Variants in MICAL3 observed in about 807,000 individuals in gnomAD.
The protein encoded by MICAL3 is microtubule associated monooxygenase, calponin and LIM domain containing 3.
A neutral mutation model predicts 207.4 loss-of-function variants in MICAL3; 62 were observed. The observed-to-expected ratio is 0.30, with a 90% CI of 0.24 to 0.37. The LOEUF (loss-of-function observed/expected upper bound fraction) is 0.37, where lower values mean the gene tolerates loss of function less well. Ranked by LOEUF, MICAL3 falls within the 10% of genes least tolerant of loss-of-function variation. The probability of loss-of-function intolerance (pLI) is 1.00; values close to 1 mark genes in which losing one functional copy is unlikely to be tolerated. For synonymous variants in MICAL3, 1,077 were observed against 1,069.3 expected (o/e 1.01, Z -0.14); for missense variants, 2,368 against 2,635.6 (o/e 0.90, Z 2.22).
rs936048688 is a variant in MICAL3, at chr22:17,789,988, T to C, written c.*744A>G. On this transcript the variant is annotated 3_prime_UTR_variant, in exon 32 of 32. Transcript: ENST00000441493. Reference sequence around the variant, plus strand: ...GTCTGCCAACTGGGGGCTTAGAATGTAGGGCCTCATCCTGTCCCCCAAAGT... The same window carrying C: ...GTCTGCCAACTGGGGGCTTAGAATGCAGGGCCTCATCCTGTCCCCCAAAGT... 3 of 152,232 alleles carry C rather than the reference T, an allele frequency of 2.0e-5. No homozygotes were observed. Among genetic ancestry groups the C allele is most frequent in the Non-Finnish European group, 4.4e-5 (3 of 68,008 alleles). 9.4% of individuals were successfully genotyped at this position (152,232 alleles called of 1,614,324 possible).
intron 1 of MICAL3, among the ~76,000 whole-genome samples, chr22:17,955,999 T>C (rs1447952366): frequency 6.6e-6 from 1 of 152,274 alleles, no homozygotes; most frequent in East Asian, 1.9e-4. Context: ...TGTTTATGAA[T>C]GTTTATGAGC....
At chr22:18,017,907 C>T (rs564104387) in intron 1 of MICAL3, among the ~76,000 whole-genome samples, 28 of 152,208 alleles carry the variant, frequency 1.8e-4, no homozygotes, top group Non-Finnish European at 3.4e-4. Context: ...CCCGCCACCA[C>T]GCCCGGCTCA....
intron 21 of MICAL3, among the ~76,000 whole-genome samples, 188 bp downstream of exon 21, chr22:17,831,666 C>T (rs1012920883): frequency 1.3e-5 from 2 of 152,202 alleles, no homozygotes; most frequent in African/African-American, 4.8e-5. Context: ...CTTCCACTGC[C>T]AACCGCCTGC....
At chr22:17,887,504 C>T in intron 13 of MICAL3, 69 bp from the exon 14 acceptor site, 2 of 986,998 alleles carry the variant, frequency 2.0e-6, no homozygotes, top group South Asian at 2.9e-5. Context: ...ACCAAAACTA[C>T]TCTCCCTCGT....
chr22:18,012,491 G>T (rs1292632174), intron 1 of MICAL3, among the ~76,000 whole-genome samples: 2 of 152,148 alleles, frequency 1.3e-5, no homozygotes, highest in East Asian at 3.9e-4. Context: ...TGGGCGGGGG[G>T]CCTGAAGTTC....
chr22:17,881,221 GC>G (rs1266445544), intron 16 of MICAL3: 3 of 1,612,532 alleles, frequency 1.9e-6, no homozygotes, highest in East Asian at 4.5e-5. Flanking sequence ...GCCGCCATGT[GC>G]CCGACAGGGA....
chr22:17,863,870 G>C, intron 19 of MICAL3: 1 of 985,478 alleles, frequency 1.0e-6, no homozygotes. Context: ...CACATTTCCT[G>C]GCACTGGCTG....
intron 9 of MICAL3, among the ~76,000 whole-genome samples, chr22:17,895,996 T>C (rs761217309): frequency 3.9e-5 from 6 of 152,246 alleles, no homozygotes; most frequent in Non-Finnish European, 7.3e-5. Context: ...AAAGCTACTT[T>C]TAATTTCTTC....
intron 16 of MICAL3, among the ~76,000 whole-genome samples, chr22:17,877,207 T>A (rs199533534): frequency 1.0e-4 from 1 of 9,976 alleles, no homozygotes; most frequent in Non-Finnish European, 1.9e-4. Context: ...AGGGAGGTTA[T>A]GGAGGTTATG....
At chr22:17,800,996 C>T (rs1034893976) in intron 29 of MICAL3, among the ~76,000 whole-genome samples, 1 of 152,054 alleles carries the variant, frequency 6.6e-6, no homozygotes, top group East Asian at 1.9e-4. Context: ...GCAGCCCCCA[C>T]GTGGTGGGCA....
intron 27 of MICAL3, chr22:17,814,003 A>C (rs1003607574): frequency 1.3e-4 from 20 of 152,240 alleles, no homozygotes; most frequent in African/African-American, 4.6e-4. Context: ...ATTTTAAATA[A>C]AAAATAAGTA....
chr22:17,993,315 T>C (rs1163074601), intron 1 of MICAL3, among the ~76,000 whole-genome samples: 2 of 152,206 alleles, frequency 1.3e-5, no homozygotes, highest in East Asian at 1.9e-4. Flanking sequence ...GTTTGTTACA[T>C]AGGTATACAT....
intron 28 of MICAL3, 78 bp downstream of exon 28, chr22:17,810,625 G>T: frequency 1.7e-6 from 2 of 1,163,396 alleles, no homozygotes; most frequent in South Asian, 1.3e-5. Flanking sequence ...TTGTGTGGCA[G>T]GGAGCAGCTG....
intron 19 of MICAL3, chr22:17,862,404 G>A (rs774340727): frequency 3.5e-5 from 16 of 457,254 alleles, no homozygotes; most frequent in Admixed American, 6.4e-5. Flanking sequence ...ACAGGCATCC[G>A]CCACCACACC....
chr22:17,864,937 C>G lies in MICAL3; in HGVS notation c.2567G>C (p.Arg856Pro), dbSNP rs769747581. ...AGTGGAGCTGGCCACGGCGTTGGCC[C>G]GTCCGTTTGCATCTGTGGTGGCGCC... The part of the protein sequence containing the change: ...QDGATTDANG[R>P]ANAVASSTER... Residue 856 changes from arginine (R) to proline (P), a missense_variant, in exon 19 of 32, where the codon CGG (arginine) becomes CCG (proline). Physicochemically the swap from Arg to Pro is moderately radical, Grantham distance 103. Coordinates refer to ENST00000441493, the MANE Select transcript of MICAL3 (RefSeq NM_015241.3). The G allele has an allele frequency of 3.7e-6, 6 of 1,613,556 alleles. No individual in the cohort carries two copies. In the Admixed American group the frequency reaches 8.3e-5, roughly 22 times the overall value.
chr22:17,862,489 T>C, intron 19 of MICAL3: 2 of 683,352 alleles, frequency 2.9e-6, no homozygotes, highest in Non-Finnish European at 3.6e-6. Context: ...CTCGATCTCC[T>C]GACCTCGTGA....
intron 19 of MICAL3, among the ~76,000 whole-genome samples, chr22:17,845,974 G>A (rs1924593315): frequency 1.3e-5 from 2 of 152,218 alleles, no homozygotes; most frequent in Non-Finnish European, 2.9e-5. Flanking sequence ...ACAGAACTTG[G>A]CAGTCCAAGC....
rs1931387161 is a variant in MICAL3 at position 17,902,232 on chromosome 22, C to G, written c.590-253G>C. Among the ~76,000 whole-genome samples, 1 of 152,196 alleles carries G rather than the reference C, an allele frequency of 6.6e-6. No homozygotes were observed. Among genetic ancestry groups the G allele is most frequent in the African/African-American group, 2.4e-5 (1 of 41,458 alleles). On this transcript the variant is annotated intron_variant, in intron 4 of 31. Coordinates refer to ENST00000441493, the MANE Select transcript of MICAL3 (RefSeq NM_015241.3). The surrounding 1 kb of genome is among the most constrained non-coding windows in gnomAD (Gnocchi z 4.5). Reference sequence around the variant, plus strand: ...TGGCCAGCATGGTGAAACCCTGTCTCTACTAAAATACAAAAATTAGCCAGG... The same window carrying G: ...TGGCCAGCATGGTGAAACCCTGTCTGTACTAAAATACAAAAATTAGCCAGG...
At chr22:17,912,966 G>A (rs117973087) in intron 1 of MICAL3, among the ~76,000 whole-genome samples, 1,842 of 152,208 alleles carry the variant, frequency 0.012, 18 homozygotes, top group Non-Finnish European at 0.016. Context: ...ATGGTTTTTC[G>A]CATATGGCTT....
Sources: gnomAD v4.1 joint callset for allele counts (sites outside exome capture counted in the v4.1 genomes callset) on GRCh38, gnomAD v4.1.1 for gene constraint, Gnocchi (gnomAD v3.1) non-coding constraint, MANE v1.5 for transcripts, NCBI Gene and HGNC (gene_info 2026-07-23, HGNC 2026-07-21) for gene names.